CNTFR: variants seen among roughly 807,000 people sequenced by gnomAD.
CNTFR encodes ciliary neurotrophic factor receptor subunit alpha.
In CNTFR, 12 loss-of-function variants were observed where a neutral mutation model predicts 40.4. That is an observed-to-expected ratio of 0.30 (90% confidence interval 0.19 to 0.48). The LOEUF is 0.48. Among genes scored for constraint, CNTFR ranks in the 20% least tolerant of loss-of-function variants. The pLI is 0.99. For missense variants in CNTFR, 414 were observed against 506.8 expected (o/e 0.82, Z 1.76); for synonymous variants, 202 against 209.6 (o/e 0.96, Z 0.31).
intron 4 of CNTFR, among the ~76,000 whole-genome samples, chr9:34,563,914 C>T (rs1283674062): frequency 6.6e-6 from 1 of 152,140 alleles, no homozygotes; most frequent in Non-Finnish European, 1.5e-5. Flanking sequence ...AGAACATGAC[C>T]CAGAAGATGT....
chr9:34,552,641 A>G lies in CNTFR; in HGVS notation c.949+33T>C. ...TTCTACCACAGGCCTCCAGGACAGC[A>G]AAGCCAGGAGGTAGGGGCGGGAGCA... is the stretch of plus-strand genomic sequence containing the variant. On this transcript the variant is annotated intron_variant, in intron 8 of 9. Coordinates refer to ENST00000378980, the MANE Select transcript of CNTFR (RefSeq NM_147164.3). The surrounding 1 kb of genome is among the most constrained non-coding windows in gnomAD (Gnocchi z 5.1). The G allele has an allele frequency of 6.2e-7, 1 of 1,604,112 alleles. No homozygotes were observed. Among genetic ancestry groups the G allele is most frequent in the Non-Finnish European group, 8.5e-7 (1 of 1,176,714 alleles).
At chr9:34,573,853 G>A (rs984302072) in intron 2 of CNTFR, among the ~76,000 whole-genome samples, 1 of 152,248 alleles carries the variant, frequency 6.6e-6, no homozygotes, top group African/African-American at 2.4e-5. Flanking sequence ...ACCTGCAGAG[G>A]AATTAGGTTG....
chr9:34,553,749 G>A (rs1356852950), intron 7 of CNTFR, among the ~76,000 whole-genome samples: 6 of 152,220 alleles, frequency 3.9e-5, no homozygotes, highest in Non-Finnish European at 7.3e-5. Context: ...AGGCCAGCCT[G>A]CCTGTCCGGC....
rs369029470 is a variant in CNTFR at position 34,568,340 on chromosome 9, A to G, written c.85+557T>C. ...TAAAGGGAGGGCAGGGAGGCTGCCAATGGCCGAGCCCTGAGCTGTCCCTCC... is the reference window on the plus strand; with the variant it reads ...TAAAGGGAGGGCAGGGAGGCTGCCAGTGGCCGAGCCCTGAGCTGTCCCTCC... On this transcript the variant is annotated intron_variant, in intron 3 of 9. Coordinates refer to ENST00000378980, the MANE Select transcript of CNTFR (RefSeq NM_147164.3). Among the ~76,000 whole-genome samples the G allele has an allele frequency of 2.5e-4, 38 of 152,276 alleles. No individual in the cohort carries two copies. The South Asian group carries it at 7.2e-3, about 29-fold the overall frequency.
At chr9:34,562,893 T>C (rs1826125970) in intron 4 of CNTFR, among the ~76,000 whole-genome samples, 1 of 152,182 alleles carries the variant, frequency 6.6e-6, no homozygotes, top group South Asian at 2.1e-4. Context: ...GTCTTCCCTC[T>C]ACCTTCTTGC....
At chr9:34,566,152 C>T (rs1826279227) in intron 3 of CNTFR, among the ~76,000 whole-genome samples, 1 of 151,998 alleles carries the variant, frequency 6.6e-6, no homozygotes, top group Admixed American at 6.5e-5. Flanking sequence ...CCACCCCCTC[C>T]TCCCATTGCA....
In CNTFR at chr9:34,564,745, C is replaced by T. The variant is rs151167190; in HGVS notation, c.173G>A (p.Arg58Gln). 3.7e-5 allele frequency: 60 copies of T among 1,614,076 alleles called. No homozygotes were observed. Among genetic ancestry groups the T allele is most frequent in the African/African-American group, 3.5e-4 (26 of 75,002 alleles). The change falls in exon 4 of 10, where the codon CGG becomes CAG. Residue 58 changes from arginine to glutamine, a missense_variant. This residue lies in a region of CNTFR where 250 missense variants were observed against 269.5 expected (regional missense o/e 0.93). Coordinates refer to ENST00000378980, the MANE Select transcript of CNTFR (RefSeq NM_147164.3). ...AGGGGCCAGGTCTGTCCCATTTACC[C>T]GCCACGTCACCGCAGCATCCCAGTT... ...TANWDAAVTW[R>Q]VNGTDLAPDL...
chr9:34,552,911 G>A lies in CNTFR; in HGVS notation c.769-57C>T. On this transcript the variant is annotated intron_variant, in intron 7 of 9. Transcript: ENST00000378980. This position sits in a 1 kb window ranked among gnomAD's most constrained non-coding sequence, Gnocchi z 5.1. ...CACACCTGGGGGCCAGGAGGGTGAGGTCCCTCCAGAGGAAGTGAGCATGCC... is the reference window on the plus strand; with the variant it reads ...CACACCTGGGGGCCAGGAGGGTGAGATCCCTCCAGAGGAAGTGAGCATGCC... 1.3e-6 allele frequency: 2 copies of A among 1,562,040 alleles called. No individual in the cohort carries two copies. Among genetic ancestry groups the A allele is most frequent in the Middle Eastern group, 1.7e-4 (1 of 5,906 alleles).
chr9:34,564,568 A>C (rs1334098337), intron 4 of CNTFR, 31 bp downstream of exon 4: 1 of 1,561,806 alleles, frequency 6.4e-7, no homozygotes, highest in Non-Finnish European at 8.7e-7. Flanking sequence ...GGAAGGAGGG[A>C]GGCTGGATGA....
chr9:34,576,430 C>T (rs542623688), intron 2 of CNTFR, among the ~76,000 whole-genome samples: 22 of 152,314 alleles, frequency 1.4e-4, no homozygotes, highest in Non-Finnish European at 2.4e-4. Context: ...TCTCACGCCC[C>T]GACACCGGCA....
At chr9:34,565,782 G>A (rs1427382756) in intron 3 of CNTFR, among the ~76,000 whole-genome samples, 2 of 152,188 alleles carry the variant, frequency 1.3e-5, no homozygotes, top group African/African-American at 4.8e-5. Context: ...AGGGCAGAGA[G>A]ACAGATTTAA....
At chr9:34,555,483 C>T (rs12552724) in intron 7 of CNTFR, among the ~76,000 whole-genome samples, 17,295 of 152,082 alleles carry the variant, frequency 0.11, 1,220 homozygotes, top group Middle Eastern at 0.18. Flanking sequence ...GGCCCAGGGC[C>T]CTCAAAGCAA....
At chr9:34,574,365 C>A (rs1206473983) in intron 2 of CNTFR, among the ~76,000 whole-genome samples, 2 of 152,232 alleles carry the variant, frequency 1.3e-5, no homozygotes, top group Non-Finnish European at 2.9e-5. Flanking sequence ...ACCTGCCTCT[C>A]CTCTCAGCTC....
At chr9:34,560,612 G>A (rs974742396) in intron 4 of CNTFR, among the ~76,000 whole-genome samples, 5 of 152,242 alleles carry the variant, frequency 3.3e-5, no homozygotes, top group African/African-American at 1.2e-4. Flanking sequence ...TTCACAGCAT[G>A]TTCACACGTA....
intron 3 of CNTFR, among the ~76,000 whole-genome samples, chr9:34,565,577 G>A (rs759517577): frequency 6.6e-6 from 1 of 152,128 alleles, no homozygotes; most frequent in African/African-American, 2.4e-5. Context: ...GGCTTGGGGG[G>A]TGCGGTGCTG....
chr9:34,566,074 C>T (rs1587136973), intron 3 of CNTFR, among the ~76,000 whole-genome samples: 1 of 152,066 alleles, frequency 6.6e-6, no homozygotes, highest in Non-Finnish European at 1.5e-5. Context: ...GGGCCAGTGG[C>T]CTCTTAATTA....
chr9:34,580,776 G>A (rs1434973763), intron 2 of CNTFR, among the ~76,000 whole-genome samples: 1 of 152,216 alleles, frequency 6.6e-6, no homozygotes, highest in African/African-American at 2.4e-5. Context: ...TGTCTGGGGG[G>A]CAGAGAGGAA....
At position 34,557,531 on chromosome 9, in the gene CNTFR, G is replaced by T. The variant is rs1825897683; in HGVS notation, c.599C>A (p.Thr200Asn). 1.2e-6 allele frequency: 2 copies of T among 1,613,700 alleles called. No homozygotes were observed. Among genetic ancestry groups the T allele is most frequent in the African/African-American group, 1.3e-5 (1 of 74,918 alleles). ...NATAITFDEFTIVKPDPPENV... is the reference protein window; with the variant it reads ...NATAITFDEFNIVKPDPPENV... ...CCCCCAACCGCCACACGTACCAATG[G>T]TGAACTCGTCAAAGGTGATAGCTGT... Residue 200 changes from threonine (T) to asparagine (N), a missense_variant, in exon 6 of 10, where the codon ACC becomes AAC. Physicochemically the swap from Thr to Asn is moderately conservative, Grantham distance 65. Transcript: ENST00000378980. This position sits in a 1 kb window ranked among gnomAD's most constrained non-coding sequence, Gnocchi z 4.2.
intron 2 of CNTFR, among the ~76,000 whole-genome samples, chr9:34,572,960 T>C (rs965483983): frequency 1.3e-5 from 2 of 152,160 alleles, no homozygotes; most frequent in African/African-American, 4.8e-5. Flanking sequence ...GTTGATAGAC[T>C]CAGTAACAGT....
Sources: gnomAD v4.1 joint callset for allele counts (sites outside exome capture counted in the v4.1 genomes callset) on GRCh38, gnomAD v4.1.1 for gene constraint, gnomAD v4.1.1 regional missense constraint, Gnocchi (gnomAD v3.1) non-coding constraint, MANE v1.5 for transcripts, NCBI Gene and HGNC (gene_info 2026-07-23, HGNC 2026-07-21) for gene names.